The following VAPA variants were observed in gnomAD, a reference collection of about 807,000 sequenced individuals.
VAPA encodes the protein vesicle-associated membrane protein-associated protein A.
VAPA carries 6 observed loss-of-function variants against 25.6 expected under a neutral mutation model. That is an observed-to-expected ratio of 0.23 (90% CI 0.13 to 0.46). The LOEUF is 0.46. VAPA is among the 20% of genes least tolerant of loss of function. VAPA has a pLI of 0.99. For missense variants in VAPA, 244 were observed against 302.1 expected, an observed-to-expected ratio of 0.81 and a Z score of 1.43; for synonymous variants, 112 against 106.2, an observed-to-expected ratio of 1.05 and a Z score of -0.34.
Position 9,914,112 on chromosome 18 carries a change from G to C in VAPA, c.-145G>C, listed in dbSNP as rs2069087690. 1 of 624,510 alleles carries C rather than the reference G, an allele frequency of 1.6e-6. No homozygotes were observed. Among genetic ancestry groups the C allele is most frequent in the Non-Finnish European group, 2.6e-6 (1 of 381,212 alleles). 38.7% of individuals were successfully genotyped at this position (624,510 alleles called of 1,614,324 possible). On this transcript the variant is annotated 5_prime_UTR_variant, in exon 1 of 6. Transcript: ENST00000400000. Reference sequence around the variant, plus strand: ...ACCCAGCGGGTGGCCCACCGAACCGGTGACACAGCGGCAGGCGTTAGGGCT... The same window carrying C: ...ACCCAGCGGGTGGCCCACCGAACCGCTGACACAGCGGCAGGCGTTAGGGCT...
At chr18:9,925,688 A>C (rs149320345) in intron 1 of VAPA, among the ~76,000 whole-genome samples, 74 of 152,262 alleles carry the variant, frequency 4.9e-4, no homozygotes, top group African/African-American at 1.7e-3. Context: ...GACATCATTT[A>C]AAAAATTTGT....
intron 2 of VAPA, among the ~76,000 whole-genome samples, chr18:9,932,592 T>C (rs2069267106): frequency 6.6e-6 from 1 of 152,226 alleles, no homozygotes; most frequent in South Asian, 2.1e-4. Flanking sequence ...TCTCAGTCCC[T>C]CTGACTTCAC....
At chr18:9,945,660 G>A (rs1474169036) in intron 4 of VAPA, among the ~76,000 whole-genome samples, 1 of 152,080 alleles carries the variant, frequency 6.6e-6, no homozygotes, top group Non-Finnish European at 1.5e-5. Context: ...CACCACATGT[G>A]GCAACCCCAC....
Position 9,954,276 on chromosome 18 carries a change from C to G in VAPA, c.*65C>G. On this transcript the variant is annotated 3_prime_UTR_variant, in exon 6 of 6. Transcript: ENST00000400000. Reference sequence around the variant, plus strand: ...TCTTGACCAGAAAAAGATTTGTTTACCTACCATTTCATTGGTAGTATGGCC... The same window carrying G: ...TCTTGACCAGAAAAAGATTTGTTTAGCTACCATTTCATTGGTAGTATGGCC... 1 of 1,455,006 alleles carries G rather than the reference C, an allele frequency of 6.9e-7. No homozygotes were observed. The highest frequency in any genetic ancestry group is 9.3e-7 in the Non-Finnish European group (1 of 1,073,654). The allele number at this position is 1,455,006 out of a possible 1,614,324, so 90.1% of individuals were successfully genotyped here.
At chr18:9,927,722 G>C (rs29204) in intron 1 of VAPA, among the ~76,000 whole-genome samples, 21,510 of 152,028 alleles carry the variant, frequency 0.14, 1,681 homozygotes, top group African/African-American at 0.2. Context: ...TTTTTGACAT[G>C]TCAGGCTCTA....
At position 9,959,403 on chromosome 18, in the gene VAPA, C is replaced by T. The variant is rs2069583000; in HGVS notation, c.*5192C>T. 1 of 152,070 alleles carries T rather than the reference C, an allele frequency of 6.6e-6. No individual in the cohort carries two copies. Among genetic ancestry groups the T allele is most frequent in the Non-Finnish European group, 1.5e-5 (1 of 68,014 alleles). 9.4% of individuals were successfully genotyped at this position (152,070 alleles called of 1,614,324 possible). A position where few individuals can be genotyped will look rare whatever the true frequency, so the allele number is the denominator to read the frequency against. On this transcript the variant is annotated 3_prime_UTR_variant, in exon 6 of 6. Coordinates refer to ENST00000400000, the MANE Select transcript of VAPA (RefSeq NM_194434.3). Reference sequence around the variant, plus strand: ...CTCCTGCCCACTAACAATCTCAGTCCGTGAACAAAACCAACATGAACATTC... The same window carrying T: ...CTCCTGCCCACTAACAATCTCAGTCTGTGAACAAAACCAACATGAACATTC...
intron 5 of VAPA, among the ~76,000 whole-genome samples, chr18:9,952,558 T>C: frequency 7.9e-6 from 1 of 126,516 alleles, no homozygotes. Flanking sequence ...GAGCAAAACA[T>C]CGTCTCAAAA....
chr18:9,926,713 C>T (rs975946645), intron 1 of VAPA, among the ~76,000 whole-genome samples: 13 of 152,130 alleles, frequency 8.5e-5, no homozygotes, highest in Non-Finnish European at 1.8e-4. Flanking sequence ...TGCACAGAAA[C>T]CTACCTGACC....
intron 1 of VAPA, among the ~76,000 whole-genome samples, chr18:9,916,399 T>C (rs1416810523): frequency 6.6e-6 from 1 of 152,204 alleles, no homozygotes; most frequent in African/African-American, 2.4e-5. Context: ...CCTTTCTCTA[T>C]GTGCCCCATC....
At chr18:9,951,229 C>G (rs1468611782) in intron 5 of VAPA, 1 of 152,294 alleles carries the variant, frequency 6.6e-6, no homozygotes, top group Non-Finnish European at 1.5e-5. Flanking sequence ...TATCACCCCT[C>G]TTTGCTTTAG....
chr18:9,918,327 T>C (rs2069129362), intron 1 of VAPA, among the ~76,000 whole-genome samples: 1 of 152,230 alleles, frequency 6.6e-6, no homozygotes, highest in Non-Finnish European at 1.5e-5. Context: ...TGTCTCTCCC[T>C]GTCCTTCATT....
At chr18:9,923,951 TC>T (rs753872698) in intron 1 of VAPA, 6,427 of 174,600 alleles carry the variant, frequency 0.037, 180 homozygotes, top group Admixed American at 0.071. Context: ...ACGCGCCCCA[TC>T]TCGTCTGATC....
intron 4 of VAPA, 150 bp downstream of exon 4, chr18:9,937,216 GC>G: frequency 1.3e-5 from 3 of 224,420 alleles, no homozygotes; most frequent in South Asian, 1.7e-4. Flanking sequence ...AACTTGGTAT[GC>G]CTTTTTTTTT....
At chr18:9,920,834 A>G (rs1373699631) in intron 1 of VAPA, among the ~76,000 whole-genome samples, 2 of 152,194 alleles carry the variant, frequency 1.3e-5, no homozygotes, top group African/African-American at 2.4e-5. Flanking sequence ...GGCCACTGCA[A>G]TGCTTTGCAC....
chr18:9,957,703 TTTCC>T lies in VAPA; in HGVS notation c.*3495_*3498del, dbSNP rs2069565432. 1 of 152,236 alleles carries T rather than the reference TTTCC, an allele frequency of 6.6e-6. No individual in the cohort carries two copies. Among genetic ancestry groups the T allele is most frequent in the South Asian group, 2.1e-4 (1 of 4,830 alleles). The allele number at this position is 152,236 out of a possible 1,614,324, so 9.4% of individuals were successfully genotyped here. A position where few individuals can be genotyped will look rare whatever the true frequency, so the allele number is the denominator to read the frequency against. On this transcript the variant is annotated 3_prime_UTR_variant, in exon 6 of 6. Coordinates refer to ENST00000400000, the MANE Select transcript of VAPA (RefSeq NM_194434.3). The stretch of plus-strand genomic sequence containing the variant: ...AAACTTTAAAAATGTGAAGTGTCCT[TTTCC>T]TTTTCACAATACAAAAAAAATTTCA...
chr18:9,940,918 A>C (rs922903617), intron 4 of VAPA, among the ~76,000 whole-genome samples: 2 of 152,160 alleles, frequency 1.3e-5, no homozygotes, highest in Non-Finnish European at 2.9e-5. Context: ...GCCTTAATTG[A>C]TTAATGTGTA....
intron 4 of VAPA, among the ~76,000 whole-genome samples, chr18:9,937,452 T>C (rs1403694680): frequency 1.3e-5 from 2 of 152,190 alleles, no homozygotes; most frequent in Non-Finnish European, 1.5e-5. Context: ...TTCACTTACA[T>C]GGACAGTTTA....
chr18:9,942,915 G>T (rs1379112330), intron 4 of VAPA, among the ~76,000 whole-genome samples: 2 of 152,102 alleles, frequency 1.3e-5, no homozygotes, highest in South Asian at 4.1e-4. Context: ...ATTTGCCGGG[G>T]GACACAGATC....
chr18:9,923,311 AGAATTGTTG>A (rs2069172790), intron 1 of VAPA, among the ~76,000 whole-genome samples: 1 of 124,422 alleles, frequency 8.0e-6, no homozygotes, highest in Non-Finnish European at 1.7e-5. Flanking sequence ...TAATTAAAAA[AGAATTGTTG>A]CTATGAGAGG....
Sources: allele counts gnomAD v4.1 joint callset (sites outside exome capture counted in the v4.1 genomes callset), GRCh38; gene constraint gnomAD v4.1.1; transcripts MANE v1.5; gene names NCBI Gene and HGNC (gene_info 2026-07-23, HGNC 2026-07-21).